TNFSF4: variants seen among roughly 807,000 people sequenced by gnomAD.
TNFSF4 encodes tumor necrosis factor ligand superfamily member 4.
Under a neutral mutation model 7.3 loss-of-function variants are expected in TNFSF4, and 4 were observed. The ratio of observed to expected loss-of-function variants is 0.55; its 90% confidence interval spans 0.27 to 1.25. The LOEUF is 1.25. TNFSF4 is among the 50% of genes most tolerant of loss of function. The pLI, the probability that TNFSF4 is intolerant of heterozygous loss-of-function variation, is 0.12. For missense variants in TNFSF4, 181 were observed against 208.8 expected (o/e 0.87, Z 0.82); for synonymous variants, 76 against 83.7 (o/e 0.91, Z 0.50).
the TNFSF4 span, among the ~76,000 whole-genome samples, chr1:173,214,479 C>T: frequency 6.6e-6 from 1 of 152,118 alleles, no homozygotes; most frequent in South Asian, 2.1e-4. Context: ...CCTGTCAATT[C>T]GATCAAGGGT....
chr1:173,316,475 A>G, the TNFSF4 span, among the ~76,000 whole-genome samples: 14 of 152,112 alleles, frequency 9.2e-5, no homozygotes, highest in Admixed American at 4.6e-4. Context: ...TTTTCCAAGT[A>G]AAAAAACTTT....
At chr1:173,189,915 AG>A (rs1649402074) in intron 1 of TNFSF4, among the ~76,000 whole-genome samples, 1 of 152,078 alleles carries the variant, frequency 6.6e-6, no homozygotes, top group Non-Finnish European at 1.5e-5. Context: ...AAAAGAAAGT[AG>A]AAAAAAATGT....
upstream of TNFSF4, among the ~76,000 whole-genome samples, chr1:173,208,260 C>T (rs1361737667): frequency 6.6e-6 from 1 of 152,148 alleles, no homozygotes; most frequent in Non-Finnish European, 1.5e-5. Context: ...GAGCCTGGCA[C>T]TGTACTGGAC....
chr1:173,408,926 G>A, the TNFSF4 span, among the ~76,000 whole-genome samples: 4 of 152,160 alleles, frequency 2.6e-5, no homozygotes, highest in Middle Eastern at 3.4e-3. Context: ...AGTACCTTCC[G>A]TAAAATATTT....
chr1:173,257,758 G>C, the TNFSF4 span, among the ~76,000 whole-genome samples: 1 of 152,162 alleles, frequency 6.6e-6, no homozygotes, highest in Non-Finnish European at 1.5e-5. Context: ...ACAGTACACA[G>C]AGAACTGCCA....
At chr1:173,248,458 GAAAGAAAGAA>G in the TNFSF4 span, among the ~76,000 whole-genome samples, 82 of 142,554 alleles carry the variant, frequency 5.8e-4, 1 homozygote, top group African/African-American at 2.1e-3. Context: ...GAGAGAGGGA[GAAAGAAAGAA>G]AAAGAAAGAA....
the TNFSF4 span, among the ~76,000 whole-genome samples, chr1:173,373,184 C>T: frequency 6.6e-6 from 1 of 152,158 alleles, no homozygotes; most frequent in Non-Finnish European, 1.5e-5. Context: ...ATAAATACCA[C>T]AAGAAAATCA....
the TNFSF4 span, among the ~76,000 whole-genome samples, chr1:173,328,020 T>G: frequency 6.6e-6 from 1 of 152,138 alleles, no homozygotes; most frequent in Non-Finnish European, 1.5e-5. Flanking sequence ...ACCCAAAGGA[T>G]TATAAATCAT....
chr1:173,295,350 A>G, the TNFSF4 span, among the ~76,000 whole-genome samples: 7 of 152,052 alleles, frequency 4.6e-5, no homozygotes, highest in African/African-American at 1.7e-4. Flanking sequence ...CATGAAACAA[A>G]TGGATAAGCA....
At chr1:173,326,499 G>T in the TNFSF4 span, among the ~76,000 whole-genome samples, 3 of 152,002 alleles carry the variant, frequency 2.0e-5, no homozygotes, top group African/African-American at 7.2e-5. Flanking sequence ...TCAACATAGT[G>T]TTGGAAGTTC....
the TNFSF4 span, among the ~76,000 whole-genome samples, chr1:173,385,713 C>T: frequency 6.6e-6 from 1 of 152,164 alleles, no homozygotes; most frequent in Admixed American, 6.5e-5. Flanking sequence ...GTGGCACATG[C>T]CTGTAATCCC....
chr1:173,394,824 T>A, the TNFSF4 span, among the ~76,000 whole-genome samples: 3 of 152,030 alleles, frequency 2.0e-5, no homozygotes. Context: ...TTGTCCCAGG[T>A]CTGTAGCTTG....
the TNFSF4 span, among the ~76,000 whole-genome samples, chr1:173,390,320 T>G: frequency 5.3e-5 from 8 of 152,228 alleles, no homozygotes; most frequent in Non-Finnish European, 1.2e-4. Flanking sequence ...CATTTCAATT[T>G]CATTTCCACT....
At chr1:173,211,940 G>A (rs1181922318), upstream of TNFSF4, among the ~76,000 whole-genome samples, 2 of 152,102 alleles carry the variant, frequency 1.3e-5, no homozygotes, top group African/African-American at 4.8e-5. Flanking sequence ...ACACAAGGCT[G>A]GGTAACTTGT....
the TNFSF4 span, among the ~76,000 whole-genome samples, chr1:173,213,856 G>T: frequency 1.3e-5 from 2 of 152,110 alleles, no homozygotes; most frequent in African/African-American, 4.8e-5. Flanking sequence ...CTCAACTAAG[G>T]GTAGATTTGC....
chr1:173,434,271 A>G, the TNFSF4 span, among the ~76,000 whole-genome samples: 4 of 152,214 alleles, frequency 2.6e-5, no homozygotes, highest in Non-Finnish European at 4.4e-5. Context: ...TCTAATTAGG[A>G]TATTACAAGT....
At chr1:173,439,678 G>A in the TNFSF4 span, among the ~76,000 whole-genome samples, 1 of 152,198 alleles carries the variant, frequency 6.6e-6, no homozygotes, top group Non-Finnish European at 1.5e-5. Flanking sequence ...GTGCCAGTCA[G>A]TGACACCAGG....
the TNFSF4 span, among the ~76,000 whole-genome samples, chr1:173,377,388 T>C: frequency 6.6e-6 from 1 of 152,128 alleles, no homozygotes; most frequent in Non-Finnish European, 1.5e-5. Flanking sequence ...GATTGCACTT[T>C]CCCTATACTT....
the TNFSF4 span, among the ~76,000 whole-genome samples, chr1:173,391,939 T>G: frequency 6.6e-6 from 1 of 152,214 alleles, no homozygotes; most frequent in Non-Finnish European, 1.5e-5. Flanking sequence ...TCATGACCTT[T>G]AAATTCCATA....
Sources: allele counts gnomAD v4.1 joint callset (sites outside exome capture counted in the v4.1 genomes callset), GRCh38; gene constraint gnomAD v4.1.1; transcripts MANE v1.5; gene names NCBI Gene and HGNC (gene_info 2026-07-23, HGNC 2026-07-21).